The following ANGPT2 variants were observed in gnomAD, a reference collection of about 807,000 sequenced individuals.
The protein encoded by ANGPT2 is angiopoietin-2.
ANGPT2 carries 28 observed loss-of-function variants against 62.9 expected under a neutral mutation model. The ratio of observed to expected loss-of-function variants is 0.44; its 90% confidence interval spans 0.33 to 0.61. The LOEUF is 0.61. Among genes scored for constraint, ANGPT2 ranks in the 20% least tolerant of loss-of-function variants. The probability of loss-of-function intolerance (pLI) is 0.03; values close to 1 mark genes in which losing one functional copy is unlikely to be tolerated. For synonymous variants in ANGPT2, 284 were observed against 207.8 expected (o/e 1.37, Z -3.15); for missense variants, 727 against 594.9 (o/e 1.22, Z -2.31).
Position 6,562,829 on chromosome 8 carries a change from C to A in ANGPT2, c.106G>T (p.Val36Phe), listed in dbSNP as rs1281356368. The change falls in exon 1 of 9, where the codon GTC (valine) becomes TTC (phenylalanine). Residue 36 changes from valine to phenylalanine, a missense_variant. Val to Phe is a conservative substitution (Grantham distance 50). Coordinates refer to ENST00000629816, the MANE Select transcript of ANGPT2 (RefSeq NM_001118887.2). ...GTGTAGCTGCAGGACCCATGCTGGA[C>A]CTGATATTGCTTCTTTCCTATGCTG... ...MDSIGKKQYQ[V>F]QHGSCSYTFL... 6.2e-7 allele frequency: 1 copy of A among 1,613,304 alleles called. No homozygotes were observed. The highest frequency in any genetic ancestry group is 2.2e-5 in the East Asian group (1 of 44,816).
Position 6,532,482 on chromosome 8 carries a change from C to G in ANGPT2, c.294G>C (p.Glu98Asp), listed in dbSNP as rs1430809944. ...ENNTQWLMKLENYIQDNMKKE... is the reference protein window; with the variant it reads ...ENNTQWLMKLDNYIQDNMKKE... ...TCTTCATGTTGTCCTGGATATAATT[C>G]TCAAGCTAGAAAAGAACAGTGTTAG... The change falls in exon 2 of 9, where the codon GAG becomes GAC. Residue 98 changes from glutamate to aspartate, a missense_variant. Transcript: ENST00000629816. 6.2e-7 allele frequency: 1 copy of G among 1,610,450 alleles called. No individual in the cohort carries two copies. The highest frequency in any genetic ancestry group is 1.7e-5 in the Admixed American group (1 of 59,562).
At position 6,505,334 on chromosome 8, in the gene ANGPT2, GAAAGA is replaced by G. The variant is rs1563306213; in HGVS notation, c.1328-2078_1328-2074del. ...AACATATATATGTTATATACATATA[GAAAGA>G]ATATATATATTCTTTCTATATGTAT... is the stretch of plus-strand genomic sequence containing the variant. On this transcript the variant is annotated intron_variant, in intron 8 of 8. Transcript: ENST00000629816. Among the ~76,000 whole-genome samples, 44 of 30,818 alleles carry G rather than the reference GAAAGA, an allele frequency of 1.4e-3. 2 individuals are homozygous for G. The highest frequency in any genetic ancestry group is 4.7e-3 in the East Asian group (9 of 1,916). 20.2% of individuals were successfully genotyped at this position (30,818 alleles called of 152,430 possible).
intron 1 of ANGPT2, among the ~76,000 whole-genome samples, chr8:6,554,406 A>G (rs1400512082): frequency 1.3e-5 from 2 of 152,100 alleles, no homozygotes; most frequent in Non-Finnish European, 2.9e-5. Flanking sequence ...TTATCAGCCC[A>G]CAGGAAATGA....
intron 1 of ANGPT2, among the ~76,000 whole-genome samples, chr8:6,553,051 G>T (rs2922864): frequency 0.14 from 21,183 of 152,062 alleles, 4,170 homozygotes; most frequent in African/African-American, 0.44. Flanking sequence ...TTCATACATT[G>T]GTCCAAACCC....
intron 5 of ANGPT2, 34 bp from the exon 6 acceptor site, chr8:6,514,812 G>A (rs1563325634): frequency 1.9e-6 from 3 of 1,576,690 alleles, no homozygotes; most frequent in Admixed American, 1.7e-5. Flanking sequence ...AAGTGACAGA[G>A]CCCCCCCACT....
intron 1 of ANGPT2, among the ~76,000 whole-genome samples, chr8:6,561,478 T>C (rs1304365205): frequency 1.3e-5 from 2 of 152,234 alleles, no homozygotes; most frequent in African/African-American, 4.8e-5. Flanking sequence ...CAAGATCCGT[T>C]CTGAGATTCA....
At chr8:6,543,188 T>C (rs1251906124) in intron 1 of ANGPT2, among the ~76,000 whole-genome samples, 1 of 152,144 alleles carries the variant, frequency 6.6e-6, no homozygotes, top group Non-Finnish European at 1.5e-5. Flanking sequence ...ATGGATAGAA[T>C]TTTTGAGATA....
At chr8:6,505,259 GTTT>G (rs1396801325) in intron 8 of ANGPT2, among the ~76,000 whole-genome samples, 4 of 20,392 alleles carry the variant, frequency 2.0e-4, no homozygotes, top group East Asian at 3.6e-3. Flanking sequence ...CTTTATATAT[GTTT>G]TATATATATG....
At chr8:6,539,037 G>C (rs1223955596) in intron 1 of ANGPT2, among the ~76,000 whole-genome samples, 1 of 152,150 alleles carries the variant, frequency 6.6e-6, no homozygotes, top group Non-Finnish European at 1.5e-5. Flanking sequence ...GCTTGTGTGT[G>C]TGTGTGTGTG....
At chr8:6,516,769 A>G (rs957094527) in intron 5 of ANGPT2, among the ~76,000 whole-genome samples, 6 of 152,292 alleles carry the variant, frequency 3.9e-5, no homozygotes, top group South Asian at 2.1e-4. Context: ...TGTTCCAAGA[A>G]TGTTTGATTC....
chr8:6,534,054 C>T (rs951925514), intron 1 of ANGPT2, among the ~76,000 whole-genome samples: 6 of 152,146 alleles, frequency 3.9e-5, no homozygotes, highest in Non-Finnish European at 8.8e-5. Flanking sequence ...TCCCTGCATG[C>T]CCCTCAGCCT....
At chr8:6,504,597 A>G (rs1032111761) in intron 8 of ANGPT2, among the ~76,000 whole-genome samples, 3 of 152,164 alleles carry the variant, frequency 2.0e-5, no homozygotes, top group Admixed American at 6.5e-5. Flanking sequence ...GGCAATTCAG[A>G]TATGTCAAAG....
intron 1 of ANGPT2, among the ~76,000 whole-genome samples, chr8:6,534,066 G>C (rs1257869776): frequency 6.6e-6 from 1 of 152,012 alleles, no homozygotes; most frequent in Non-Finnish European, 1.5e-5. Context: ...CCTCAGCCTG[G>C]TCACTAAGGC....
intron 2 of ANGPT2, among the ~76,000 whole-genome samples, chr8:6,528,079 T>A (rs1437480975): frequency 1.3e-5 from 2 of 152,062 alleles, no homozygotes; most frequent in Non-Finnish European, 2.9e-5. Flanking sequence ...ATATTTTTGG[T>A]ACAGATGGGG....
intron 1 of ANGPT2, among the ~76,000 whole-genome samples, chr8:6,542,153 C>G (rs1234587096): frequency 1.3e-5 from 2 of 152,194 alleles, no homozygotes; most frequent in East Asian, 3.9e-4. Context: ...TCTTGCCTTT[C>G]TGAATTTAAG....
Position 6,514,455 on chromosome 8 carries a change from C to G in ANGPT2, c.1029+222G>C, listed in dbSNP as rs146294951. On this transcript the variant is annotated intron_variant, in intron 6 of 8. Transcript: ENST00000629816. ...CCATCTGCCTCGGCCTCCCAAAGTG[C>G]TGGGATTACAGGCGTGAGCCAGCAC... Among the ~76,000 whole-genome samples, 541 of 152,268 alleles carry G rather than the reference C, an allele frequency of 3.6e-3. 3 individuals carry two copies. Among genetic ancestry groups the G allele is most frequent in the African/African-American group, 0.011 (459 of 41,540 alleles).
chr8:6,520,718 C>T (rs117372330), intron 4 of ANGPT2, among the ~76,000 whole-genome samples: 1,994 of 152,184 alleles, frequency 0.013, 16 homozygotes, highest in South Asian at 0.045. Flanking sequence ...ATATAAGAGA[C>T]GCTGCAAAGT....
Position 6,508,980 on chromosome 8 carries a change from C to T in ANGPT2, c.1279G>A (p.Gly427Arg). ...TTGCAAATACATTTGTCGTTGTCTC[C>T]ATCCTTTGTGCTAAAATCATTTCCT... ...QPGNDFSTKD[G>R]DNDKCICKCS... Residue 427 changes from glycine to arginine, a missense_variant, in exon 8 of 9, where the codon GGA becomes AGA. Coordinates refer to ENST00000629816, the MANE Select transcript of ANGPT2 (RefSeq NM_001118887.2). 1.2e-6 allele frequency: 2 copies of T among 1,614,106 alleles called. No homozygotes were observed. Among genetic ancestry groups the T allele is most frequent in the Non-Finnish European group, 1.7e-6 (2 of 1,180,024 alleles).
intron 1 of ANGPT2, among the ~76,000 whole-genome samples, chr8:6,545,559 C>T (rs2129574409): frequency 6.6e-6 from 1 of 152,288 alleles, no homozygotes; most frequent in African/African-American, 2.4e-5. Context: ...TAAACCATTC[C>T]AGCCATCTGA....
Sources: gnomAD v4.1 joint callset for allele counts (sites outside exome capture counted in the v4.1 genomes callset) on GRCh38, gnomAD v4.1.1 for gene constraint, MANE v1.5 for transcripts, NCBI Gene and HGNC (gene_info 2026-07-23, HGNC 2026-07-21) for gene names.